Variants in CCSER1 observed in about 807,000 individuals in gnomAD.
The protein encoded by CCSER1 is coiled-coil serine rich protein 1.
A neutral mutation model predicts 82.0 loss-of-function variants in CCSER1; 41 were observed. The observed-to-expected ratio is 0.50, with a 90% CI of 0.39 to 0.65. The LOEUF (loss-of-function observed/expected upper bound fraction) is 0.65. Among genes scored for constraint, CCSER1 ranks in the 30% least tolerant of loss-of-function variants. The pLI, the probability that CCSER1 is intolerant of heterozygous loss-of-function variation, is 0.00. For missense variants in CCSER1, 1,119 were observed against 1,064.2 expected (o/e 1.05, Z -0.72); for synonymous variants, 414 against 383.9 (o/e 1.08, Z -0.92).
At chr4:90,698,660 T>C (rs1222836661) in intron 6 of CCSER1, among the ~76,000 whole-genome samples, 1 of 152,220 alleles carries the variant, frequency 6.6e-6, no homozygotes, top group Non-Finnish European at 1.5e-5. Context: ...TTGGGACATG[T>C]TGGCAGGAAG....
chr4:90,772,693 C>G (rs1333339891), intron 7 of CCSER1, among the ~76,000 whole-genome samples: 1 of 152,084 alleles, frequency 6.6e-6, no homozygotes, highest in Admixed American at 6.6e-5. Context: ...TGAAGTACAT[C>G]CTGGCAGAAC....
chr4:90,874,795 C>T (rs1479291082), intron 8 of CCSER1, among the ~76,000 whole-genome samples: 1 of 152,106 alleles, frequency 6.6e-6, no homozygotes, highest in African/African-American at 2.4e-5. Flanking sequence ...CACCTGTAAT[C>T]CCAGCACTTT....
At chr4:91,309,449 G>A (rs1187024896) in intron 10 of CCSER1, among the ~76,000 whole-genome samples, 1 of 151,982 alleles carries the variant, frequency 6.6e-6, no homozygotes, top group Non-Finnish European at 1.5e-5. Flanking sequence ...AAGAAAGAGA[G>A]AAACATACAA....
At chr4:90,316,050 A>G (rs1338375339) in intron 3 of CCSER1, among the ~76,000 whole-genome samples, 2 of 152,320 alleles carry the variant, frequency 1.3e-5, no homozygotes, top group South Asian at 4.1e-4. Context: ...ATTTTAAAGC[A>G]ATTATAATAG....
intron 10 of CCSER1, among the ~76,000 whole-genome samples, chr4:91,226,830 T>A (rs1738240381): frequency 6.6e-6 from 1 of 151,938 alleles, no homozygotes; most frequent in South Asian, 2.1e-4. Flanking sequence ...TAGAGCATTA[T>A]ATACTTTCAG....
At chr4:90,310,052 T>C (rs1735025178) in intron 2 of CCSER1, among the ~76,000 whole-genome samples, 1 of 152,126 alleles carries the variant, frequency 6.6e-6, no homozygotes, top group Non-Finnish European at 1.5e-5. Context: ...TATAATTTAA[T>C]ACGAATTTTA....
At chr4:90,491,245 G>T (rs1767963330) in intron 5 of CCSER1, among the ~76,000 whole-genome samples, 3 of 152,210 alleles carry the variant, frequency 2.0e-5, no homozygotes, top group Admixed American at 6.5e-5. Flanking sequence ...TCCCTCATAA[G>T]TTGGATTCCT....
chr4:91,457,074 TTTTATC>T (rs1756222361), intron 10 of CCSER1, among the ~76,000 whole-genome samples: 1 of 152,122 alleles, frequency 6.6e-6, no homozygotes, highest in African/African-American at 2.4e-5. Flanking sequence ...GTTTTAATAT[TTTTATC>T]TTTATCTGAT....
intron 9 of CCSER1, among the ~76,000 whole-genome samples, chr4:91,045,785 A>G (rs1343570822): frequency 6.6e-6 from 1 of 151,988 alleles, no homozygotes; most frequent in African/African-American, 2.4e-5. Context: ...CTTGGGGTAT[A>G]ATTTTCACAT....
chr4:91,158,376 TG>T (rs1426231468), intron 10 of CCSER1, among the ~76,000 whole-genome samples: 1 of 151,980 alleles, frequency 6.6e-6, no homozygotes, highest in Non-Finnish European at 1.5e-5. Flanking sequence ...ATTATAGCCC[TG>T]GAATCCTTCT....
At chr4:90,674,276 C>A (rs1452541304) in intron 6 of CCSER1, among the ~76,000 whole-genome samples, 2 of 151,788 alleles carry the variant, frequency 1.3e-5, no homozygotes, top group Non-Finnish European at 2.9e-5. Context: ...CTTTAGGCCC[C>A]AGAGGAATCA....
chr4:90,336,182 A>T (rs997401185), intron 3 of CCSER1, among the ~76,000 whole-genome samples: 8 of 152,218 alleles, frequency 5.3e-5, no homozygotes, highest in African/African-American at 1.9e-4. Flanking sequence ...TTGACTGCAG[A>T]AATTTCCACA....
At chr4:90,861,233 C>T (rs1765050895) in intron 8 of CCSER1, among the ~76,000 whole-genome samples, 1 of 151,600 alleles carries the variant, frequency 6.6e-6, no homozygotes, top group South Asian at 2.1e-4. Context: ...GCAGAATTGT[C>T]TACTAATGAT....
intron 1 of CCSER1, among the ~76,000 whole-genome samples, chr4:90,275,358 G>T (rs1727354929): frequency 6.6e-6 from 1 of 151,968 alleles, no homozygotes; most frequent in Non-Finnish European, 1.5e-5. Flanking sequence ...TATACATAAG[G>T]ATTCATAGTA....
intron 10 of CCSER1, among the ~76,000 whole-genome samples, chr4:91,579,082 C>G (rs1763599403): frequency 6.6e-6 from 1 of 151,540 alleles, no homozygotes; most frequent in African/African-American, 2.4e-5. Flanking sequence ...TTTTCCTGAT[C>G]TTTTCTTCCT....
chr4:91,086,090 TAATGGA>T, intron 10 of CCSER1, 96 bp downstream of exon 10: 1 of 755,280 alleles, frequency 1.3e-6, no homozygotes. Context: ...ATTACGTTGA[TAATGGA>T]AATGGAGATG....
intron 10 of CCSER1, among the ~76,000 whole-genome samples, chr4:91,250,334 A>G (rs1437001320): frequency 6.6e-6 from 1 of 152,124 alleles, no homozygotes; most frequent in African/African-American, 2.4e-5. Context: ...TGGAGCACTT[A>G]TTTATGCAAG....
In CCSER1 at chr4:90,944,963, G is replaced by T. The variant is rs144577130; in HGVS notation, c.2172+21516G>T. On this transcript the variant is annotated intron_variant, in intron 9 of 10. Transcript: ENST00000509176. ...TTTTTCATGTCTCTATTATTGTGAA[G>T]AAAATGCTTTATAGAAAATGTTTAT... Among the ~76,000 whole-genome samples the T allele has an allele frequency of 2.9e-3, 439 of 152,240 alleles. 3 individuals carry two copies. Among genetic ancestry groups the T allele is most frequent in the Non-Finnish European group, 4.6e-3 (311 of 68,010 alleles).
intron 8 of CCSER1, among the ~76,000 whole-genome samples, chr4:90,887,064 T>C (rs1052199451): frequency 6.6e-6 from 1 of 152,078 alleles, no homozygotes; most frequent in Non-Finnish European, 1.5e-5. Flanking sequence ...AATGATGAAG[T>C]ATATAAAACC....
Sources: gnomAD v4.1 joint callset for allele counts (sites outside exome capture counted in the v4.1 genomes callset) on GRCh38, gnomAD v4.1.1 for gene constraint, MANE v1.5 for transcripts, NCBI Gene and HGNC (gene_info 2026-07-23, HGNC 2026-07-21) for gene names.